Variants in HHAT observed in about 807,000 individuals in gnomAD.
HHAT encodes the protein protein-cysteine N-palmitoyltransferase HHAT.
HHAT carries 47 observed loss-of-function variants against 70.8 expected under a neutral mutation model. The observed-to-expected ratio is 0.66, with a 90% CI of 0.53 to 0.85. The LOEUF is 0.85. Among genes scored for constraint, HHAT ranks in the 40% least tolerant of loss-of-function variants. The pLI, the probability that HHAT is intolerant of heterozygous loss-of-function variation, is 0.00. For missense variants in HHAT, 609 were observed against 604.8 expected (o/e 1.01, Z -0.07); for synonymous variants, 228 against 247.6 (o/e 0.92, Z 0.74).
At chr1:210,643,348 AT>A (rs1253605948) in intron 11 of HHAT, among the ~76,000 whole-genome samples, 1 of 152,274 alleles carries the variant, frequency 6.6e-6, no homozygotes, top group Non-Finnish European at 1.5e-5. Context: ...GAATGTGTAT[AT>A]AAATTTGTTA....
At chr1:210,390,104 T>A (rs2091355198) in intron 4 of HHAT, among the ~76,000 whole-genome samples, 1 of 152,118 alleles carries the variant, frequency 6.6e-6, no homozygotes, top group African/African-American at 2.4e-5. Flanking sequence ...TTTAAATATG[T>A]CAGTCATTGC....
At chr1:210,511,549 G>A (rs1190000102) in intron 8 of HHAT, among the ~76,000 whole-genome samples, 3 of 152,078 alleles carry the variant, frequency 2.0e-5, no homozygotes, top group Admixed American at 6.6e-5. Context: ...GGGTGTCGCC[G>A]GAAGCTAGGG....
chr1:210,383,176 C>T (rs1049101610), intron 3 of HHAT, among the ~76,000 whole-genome samples: 4 of 152,100 alleles, frequency 2.6e-5, no homozygotes, highest in Non-Finnish European at 5.9e-5. Flanking sequence ...CCCGTATCTA[C>T]TAAAACTACA....
At chr1:210,602,104 C>T (rs1664420864) in intron 10 of HHAT, among the ~76,000 whole-genome samples, 1 of 151,744 alleles carries the variant, frequency 6.6e-6, no homozygotes, top group Non-Finnish European at 1.5e-5. Flanking sequence ...TTCACAGAAA[C>T]CAAGAAGAGG....
At chr1:210,366,916 C>G (rs758060970) in intron 3 of HHAT, among the ~76,000 whole-genome samples, 6 of 152,206 alleles carry the variant, frequency 3.9e-5, no homozygotes, top group Non-Finnish European at 7.3e-5. Flanking sequence ...GCTTGGTGCT[C>G]ATAGTTCCTG....
chr1:210,653,215 T>A (rs1675559545), intron 11 of HHAT, among the ~76,000 whole-genome samples: 1 of 152,166 alleles, frequency 6.6e-6, no homozygotes, highest in Non-Finnish European at 1.5e-5. Flanking sequence ...TGTGTAGTAC[T>A]TAGGTTCAAA....
chr1:210,492,093 T>C (rs894190554), intron 8 of HHAT, among the ~76,000 whole-genome samples: 9 of 152,102 alleles, frequency 5.9e-5, no homozygotes, highest in Admixed American at 1.3e-4. Context: ...CTACTTTCTC[T>C]GCCTAGAAAG....
chr1:210,617,826 T>G (rs1668044681), intron 10 of HHAT, among the ~76,000 whole-genome samples: 1 of 152,220 alleles, frequency 6.6e-6, no homozygotes, highest in Non-Finnish European at 1.5e-5. Context: ...TGCATTGACC[T>G]GATGTTGTTT....
chr1:210,360,313 T>G (rs533436218), intron 2 of HHAT, among the ~76,000 whole-genome samples: 1,620 of 151,824 alleles, frequency 0.011, 15 homozygotes, highest in African/African-American at 0.015. Context: ...TGTTTTTTTT[T>G]TTTTGTTTTG....
At chr1:210,586,531 C>T (rs1402963542) in intron 9 of HHAT, among the ~76,000 whole-genome samples, 4 of 152,192 alleles carry the variant, frequency 2.6e-5, no homozygotes, top group African/African-American at 9.7e-5. Flanking sequence ...CAAGTTTGAT[C>T]TCCTCCCCTA....
intron 11 of HHAT, among the ~76,000 whole-genome samples, chr1:210,626,907 C>T (rs1669941554): frequency 6.6e-6 from 1 of 152,170 alleles, no homozygotes; most frequent in Admixed American, 6.5e-5. Flanking sequence ...GACAAATGTG[C>T]ACCTTTGACA....
In HHAT at chr1:210,580,410, G is replaced by T. The variant is rs557298023; in HGVS notation, c.1044-7488G>T. The stretch of plus-strand genomic sequence containing the variant: ...AAAAGGGGGGATACGTGTACAGAAC[G>T]TGCAGGTTTGTTACATAGGTATACG... On this transcript the variant is annotated intron_variant, in intron 9 of 11. Transcript: ENST00000261458. Among the ~76,000 whole-genome samples the T allele has an allele frequency of 7.3e-5, 11 of 150,302 alleles. No homozygotes were observed. In the East Asian group the frequency reaches 2.0e-3, roughly 27 times the overall value.
intron 4 of HHAT, among the ~76,000 whole-genome samples, chr1:210,393,528 GGTCTCACCTGCC>G (rs1308439303): frequency 6.6e-6 from 1 of 152,152 alleles, no homozygotes; most frequent in Non-Finnish European, 1.5e-5. Context: ...AGAAGGTGTA[GGTCTCACCTGCC>G]GTTCTGGTCT....
intron 8 of HHAT, among the ~76,000 whole-genome samples, chr1:210,506,890 G>A (rs533078164): frequency 6.6e-6 from 1 of 152,264 alleles, no homozygotes; most frequent in Non-Finnish European, 1.5e-5. Flanking sequence ...GAAGTTTTTG[G>A]TCTGTTGTGG....
intron 4 of HHAT, among the ~76,000 whole-genome samples, chr1:210,392,824 T>C (rs1473313875): frequency 6.6e-6 from 1 of 152,144 alleles, no homozygotes; most frequent in East Asian, 1.9e-4. Flanking sequence ...ACAACCCTTG[T>C]TGAGAATGCA....
chr1:210,562,632 T>G (rs2095633679), intron 9 of HHAT, among the ~76,000 whole-genome samples: 1 of 152,080 alleles, frequency 6.6e-6, no homozygotes, highest in Non-Finnish European at 1.5e-5. Flanking sequence ...CTTTATGATA[T>G]TCCTGTGGTG....
intron 9 of HHAT, among the ~76,000 whole-genome samples, chr1:210,532,442 C>T (rs1394525322): frequency 6.6e-6 from 1 of 152,178 alleles, no homozygotes; most frequent in Non-Finnish European, 1.5e-5. Context: ...CCATTTATTT[C>T]ATGGCCTTAG....
intron 9 of HHAT, among the ~76,000 whole-genome samples, chr1:210,575,772 G>T (rs1208805019): frequency 6.6e-6 from 1 of 152,148 alleles, no homozygotes; most frequent in African/African-American, 2.4e-5. Context: ...GATCTTCCAG[G>T]ACATCATTAG....
At chr1:210,573,961 G>A (rs538392233) in intron 9 of HHAT, among the ~76,000 whole-genome samples, 10 of 152,296 alleles carry the variant, frequency 6.6e-5, no homozygotes, top group South Asian at 6.2e-4. Context: ...AAGGAAATTC[G>A]CCAGGATTTA....
Sources: gnomAD v4.1 joint callset for allele counts (sites outside exome capture counted in the v4.1 genomes callset) on GRCh38, gnomAD v4.1.1 for gene constraint, MANE v1.5 for transcripts, NCBI Gene and HGNC (gene_info 2026-07-23, HGNC 2026-07-21) for gene names.